MAGI2: variants seen among roughly 807,000 people sequenced by gnomAD.
MAGI2 encodes the protein membrane-associated guanylate kinase, WW and PDZ domain-containing protein 2.
MAGI2 carries 35 observed loss-of-function variants against 133.3 expected under a neutral mutation model. The observed-to-expected ratio is 0.26, with a 90% confidence interval of 0.20 to 0.35. MAGI2 has a LOEUF of 0.35. Ranked by LOEUF, MAGI2 falls within the 10% of genes least tolerant of loss-of-function variation. The probability of loss-of-function intolerance (pLI) is 1.00; values close to 1 mark genes in which losing one functional copy is unlikely to be tolerated. For synonymous variants in MAGI2, 729 were observed against 710.6 expected, an observed-to-expected ratio of 1.03 and a Z score of -0.41; for missense variants, 1,636 against 1,863.4, an observed-to-expected ratio of 0.88 and a Z score of 2.25.
At chr7:78,210,982 T>C (rs1584411667) in intron 10 of MAGI2, among the ~76,000 whole-genome samples, 1 of 152,112 alleles carries the variant, frequency 6.6e-6, no homozygotes, top group East Asian at 1.9e-4. Context: ...TCATAGTGGC[T>C]ACAGGGGAAT....
intron 1 of MAGI2, among the ~76,000 whole-genome samples, chr7:79,122,283 C>G (rs1030365616): frequency 1.3e-5 from 2 of 152,100 alleles, no homozygotes; most frequent in Non-Finnish European, 2.9e-5. Context: ...TCAGCCATAC[C>G]TCTACACATG....
intron 6 of MAGI2, among the ~76,000 whole-genome samples, chr7:78,378,755 T>A (rs1456091985): frequency 6.6e-6 from 1 of 152,018 alleles, no homozygotes. Flanking sequence ...AAGAGATATT[T>A]TGAGGACAGG....
At chr7:79,346,635 G>A (rs563411515) in intron 1 of MAGI2, among the ~76,000 whole-genome samples, 4 of 151,958 alleles carry the variant, frequency 2.6e-5, no homozygotes, top group African/African-American at 9.6e-5. Flanking sequence ...TCTCAACAAA[G>A]TCTGTGCTTC....
intron 2 of MAGI2, among the ~76,000 whole-genome samples, chr7:78,820,534 TA>T (rs1210013598): frequency 2.0e-5 from 3 of 151,902 alleles, no homozygotes; most frequent in Non-Finnish European, 4.4e-5. Context: ...TTCCTGATTT[TA>T]AAAAAGTGGA....
intron 2 of MAGI2, among the ~76,000 whole-genome samples, chr7:78,954,699 A>G (rs1431535671): frequency 6.6e-6 from 1 of 152,180 alleles, no homozygotes; most frequent in African/African-American, 2.4e-5. Flanking sequence ...ACTGCATAAC[A>G]TTTAAAACAT....
chr7:78,292,595 G>T (rs998995853), intron 9 of MAGI2, among the ~76,000 whole-genome samples: 119 of 152,070 alleles, frequency 7.8e-4, no homozygotes, highest in Middle Eastern at 3.4e-3. Flanking sequence ...TTAAAGTTCA[G>T]ATGGAACCAA....
intron 1 of MAGI2, among the ~76,000 whole-genome samples, chr7:79,156,878 C>G (rs1050687542): frequency 6.6e-6 from 1 of 152,078 alleles, no homozygotes; most frequent in African/African-American, 2.4e-5. Context: ...CTCAGAACCC[C>G]AAAGAAGTTG....
At chr7:78,022,154 T>C (rs1046297130) in intron 21 of MAGI2, among the ~76,000 whole-genome samples, 1 of 152,242 alleles carries the variant, frequency 6.6e-6, no homozygotes, top group African/African-American at 2.4e-5. Context: ...GAATGTGTTC[T>C]ACTTTTGGGT....
intron 6 of MAGI2, among the ~76,000 whole-genome samples, chr7:78,383,128 A>G (rs990609819): frequency 2.0e-5 from 3 of 152,212 alleles, no homozygotes; most frequent in African/African-American, 2.4e-5. Flanking sequence ...TAGATATCCA[A>G]TAGTGGGATT....
At chr7:79,318,488 C>T (rs1254035598) in intron 1 of MAGI2, among the ~76,000 whole-genome samples, 1 of 152,108 alleles carries the variant, frequency 6.6e-6, no homozygotes, top group African/African-American at 2.4e-5. Flanking sequence ...TAATGGCCAT[C>T]CTTTTGAATT....
intron 3 of MAGI2, among the ~76,000 whole-genome samples, chr7:78,573,273 A>AATATATATATATATAAATATATATAAAT (rs369851566): frequency 1.9e-5 from 1 of 51,678 alleles, no homozygotes; most frequent in Non-Finnish European, 3.0e-5. Flanking sequence ...AATATATATA[A>AATATATATATATATAAATATATATAAAT]ATATATATAT....
At chr7:78,569,341 G>A (rs1419551043) in intron 3 of MAGI2, among the ~76,000 whole-genome samples, 1 of 152,154 alleles carries the variant, frequency 6.6e-6, no homozygotes, top group East Asian at 1.9e-4. Flanking sequence ...AGGAATAAAT[G>A]AATGAATAAT....
At chr7:79,281,172 C>T (rs964164754) in intron 1 of MAGI2, among the ~76,000 whole-genome samples, 1 of 151,892 alleles carries the variant, frequency 6.6e-6, no homozygotes, top group Admixed American at 6.6e-5. Flanking sequence ...AGATAATGTT[C>T]AAGAAGTTAA....
chr7:79,180,007 T>C (rs1826471840), intron 1 of MAGI2, among the ~76,000 whole-genome samples: 1 of 151,832 alleles, frequency 6.6e-6, no homozygotes, highest in Non-Finnish European at 1.5e-5. Context: ...TGGAAGAAAA[T>C]ATTTCCAAAC....
chr7:78,627,011 C>G lies in MAGI2; in HGVS notation c.538+109G>C, dbSNP rs966926413. 1.1e-5 allele frequency: 13 copies of G among 1,133,368 alleles called. No homozygotes were observed. In the African/African-American group the frequency reaches 2.1e-4, roughly 18 times the overall value. 70.2% of individuals were successfully genotyped at this position (1,133,368 alleles called of 1,614,324 possible). ...CATTTCTAAACTCATCTTATTAAAGCTCTCAAACCCAAAACAGCCCATTAG... is the reference window on the plus strand; with the variant it reads ...CATTTCTAAACTCATCTTATTAAAGGTCTCAAACCCAAAACAGCCCATTAG... On this transcript the variant is annotated intron_variant, in intron 3 of 21. Coordinates refer to ENST00000354212, the MANE Select transcript of MAGI2 (RefSeq NM_012301.4).
At position 78,358,790 on chromosome 7, in the gene MAGI2, C is replaced by G. The variant is rs184601574; in HGVS notation, c.1103+10366G>C. On this transcript the variant is annotated intron_variant, in intron 7 of 21. Transcript: ENST00000354212. ...CTACAGGAAGAAAAAGCAGCTCATG[C>G]GGCTGCAGAAACAGGCCACAAAGAA... 4 of 181,806 alleles carry G rather than the reference C, an allele frequency of 2.2e-5. No individual in the cohort carries two copies. In the South Asian group the frequency reaches 4.1e-4, roughly 19 times the overall value. 11.3% of individuals were successfully genotyped at this position (181,806 alleles called of 1,614,324 possible).
chr7:79,035,198 G>GCA (rs1811006106), intron 1 of MAGI2, among the ~76,000 whole-genome samples: 1 of 144,142 alleles, frequency 6.9e-6, no homozygotes, highest in South Asian at 2.3e-4. Context: ...AAGTGTGTGT[G>GCA]TGTGTGTGGT....
chr7:78,748,448 C>T (rs989365921), intron 2 of MAGI2, among the ~76,000 whole-genome samples: 10 of 152,140 alleles, frequency 6.6e-5, no homozygotes, highest in South Asian at 2.1e-4. Flanking sequence ...GTCCTATTAT[C>T]GCTCCCAATT....
intron 6 of MAGI2, among the ~76,000 whole-genome samples, chr7:78,412,397 G>A (rs1797949360): frequency 6.6e-6 from 1 of 152,068 alleles, no homozygotes; most frequent in African/African-American, 2.4e-5. Context: ...ATTACATGAG[G>A]AAGGGATTCC....
Sources: allele counts gnomAD v4.1 joint callset (sites outside exome capture counted in the v4.1 genomes callset), GRCh38; gene constraint gnomAD v4.1.1; transcripts MANE v1.5; gene names NCBI Gene and HGNC (gene_info 2026-07-23, HGNC 2026-07-21).